The following MYLK variants were observed in gnomAD, a reference collection of about 807,000 sequenced individuals.
MYLK encodes myosin light chain kinase, smooth muscle.
A neutral mutation model predicts 203.4 loss-of-function variants in MYLK; 106 were observed. The observed-to-expected ratio is 0.52, with a 90% CI of 0.45 to 0.61. MYLK has a LOEUF of 0.61. Among genes scored for constraint, MYLK ranks in the 20% least tolerant of loss-of-function variants. The pLI, the probability that MYLK is intolerant of heterozygous loss-of-function variation, is 0.00. For synonymous variants in MYLK, 867 were observed against 959.5 expected (o/e 0.90, Z 1.78); for missense variants, 2,072 against 2,442.3 (o/e 0.85, Z 3.20).
At chr3:123,872,713 C>G (rs1339524294) in intron 2 of MYLK, among the ~76,000 whole-genome samples, 1 of 152,158 alleles carries the variant, frequency 6.6e-6, no homozygotes, top group Non-Finnish European at 1.5e-5. Flanking sequence ...CATGCCCTCT[C>G]CAGGCATTGC....
chr3:123,653,904 C>A (rs1246792797), intron 24 of MYLK, among the ~76,000 whole-genome samples: 3 of 152,128 alleles, frequency 2.0e-5, no homozygotes, highest in Admixed American at 1.3e-4. Context: ...AAGTAACATC[C>A]TAACACCACA....
At chr3:123,724,314 G>T (rs945819446) in intron 12 of MYLK, among the ~76,000 whole-genome samples, 2 of 152,080 alleles carry the variant, frequency 1.3e-5, no homozygotes, top group African/African-American at 4.8e-5. Context: ...CAACAGCAGA[G>T]TTGAGAGTTG....
chr3:123,760,200 C>A (rs1231177667), intron 4 of MYLK, among the ~76,000 whole-genome samples: 1 of 152,158 alleles, frequency 6.6e-6, no homozygotes, highest in African/African-American at 2.4e-5. Flanking sequence ...ATTTATGAGA[C>A]AGAGTCTTGC....
intron 2 of MYLK, among the ~76,000 whole-genome samples, chr3:123,860,211 G>A (rs1040036161): frequency 3.9e-5 from 6 of 152,146 alleles, no homozygotes; most frequent in Non-Finnish European, 8.8e-5. Flanking sequence ...TGGCAGGCCC[G>A]GCACACGGCT....
chr3:123,659,202 C>T (rs555668521), intron 23 of MYLK, among the ~76,000 whole-genome samples: 6 of 152,344 alleles, frequency 3.9e-5, no homozygotes, highest in Middle Eastern at 6.8e-3. Flanking sequence ...GGATGGAAGA[C>T]AGACCCACTA....
intron 5 of MYLK, among the ~76,000 whole-genome samples, chr3:123,744,753 T>A (rs2062964212): frequency 6.6e-6 from 1 of 152,076 alleles, no homozygotes; most frequent in African/African-American, 2.4e-5. Context: ...ACAGCAGTCA[T>A]CTCCAAAAAA....
At chr3:123,757,035 G>C (rs1199006359) in intron 4 of MYLK, among the ~76,000 whole-genome samples, 1 of 152,184 alleles carries the variant, frequency 6.6e-6, no homozygotes, top group Non-Finnish European at 1.5e-5. Context: ...TGAAGGTTGA[G>C]GAGAAAGCTG....
intron 2 of MYLK, among the ~76,000 whole-genome samples, chr3:123,842,607 C>A (rs1006082712): frequency 2.3e-4 from 35 of 152,188 alleles, no homozygotes; most frequent in Non-Finnish European, 5.9e-5. Context: ...TCAACAAATT[C>A]CAAAGAATCA....
intron 20 of MYLK, among the ~76,000 whole-genome samples, chr3:123,668,396 G>A (rs2059807054): frequency 6.6e-6 from 1 of 151,554 alleles, no homozygotes; most frequent in African/African-American, 2.4e-5. Flanking sequence ...CTTCTGCTCA[G>A]AGAAGCCAAA....
chr3:123,616,251 C>T (rs530837578), intron 33 of MYLK: 2 of 152,140 alleles, frequency 1.3e-5, no homozygotes, highest in African/African-American at 4.8e-5. Context: ...GGTAATTTGC[C>T]TATGGACAAT....
intron 1 of MYLK, among the ~76,000 whole-genome samples, chr3:123,882,693 T>A (rs1329716763): frequency 6.6e-6 from 1 of 152,090 alleles, no homozygotes; most frequent in Non-Finnish European, 1.5e-5. Flanking sequence ...CAATCCAGCA[T>A]CCAGAGTCCA....
intron 11 of MYLK, among the ~76,000 whole-genome samples, chr3:123,726,374 T>C (rs1316156183): frequency 6.6e-6 from 1 of 152,208 alleles, no homozygotes; most frequent in Non-Finnish European, 1.5e-5. Flanking sequence ...AGGTGCCTCC[T>C]GCTTTGCCTT....
chr3:123,727,973 C>A (rs2062347795), intron 11 of MYLK, among the ~76,000 whole-genome samples: 2 of 152,120 alleles, frequency 1.3e-5, no homozygotes, highest in African/African-American at 4.8e-5. Context: ...AGATGACCTG[C>A]TTCATGGTAA....
chr3:123,673,290 G>A (rs1312180998), intron 20 of MYLK, among the ~76,000 whole-genome samples: 1 of 151,010 alleles, frequency 6.6e-6, no homozygotes, highest in East Asian at 2.0e-4. Flanking sequence ...CACCCACTCA[G>A]CTAATTTTTT....
chr3:123,721,261 C>T (rs192337295), intron 13 of MYLK, among the ~76,000 whole-genome samples: 1 of 152,340 alleles, frequency 6.6e-6, no homozygotes, highest in African/African-American at 2.4e-5. Flanking sequence ...GATGTATCCT[C>T]CTGCTTGTCT....
chr3:123,696,655 A>G (rs908736347), intron 18 of MYLK, among the ~76,000 whole-genome samples: 3 of 151,844 alleles, frequency 2.0e-5, no homozygotes, highest in Non-Finnish European at 2.9e-5. Flanking sequence ...CATTACTTCT[A>G]TCCTTGCTTC....
chr3:123,639,147 T>C (rs1397566798), intron 28 of MYLK: 35 of 805,644 alleles, frequency 4.3e-5, no homozygotes, highest in Middle Eastern at 6.4e-4. Flanking sequence ...GTGGCCTATT[T>C]GTTTAATTTA....
chr3:123,662,010 G>C (rs1254004976), intron 23 of MYLK, among the ~76,000 whole-genome samples: 1 of 152,178 alleles, frequency 6.6e-6, no homozygotes, highest in Admixed American at 6.5e-5. Flanking sequence ...CACCTGGTTG[G>C]ACAAGGACTT....
At chr3:123,715,591 GCA>G (rs572866553) in intron 13 of MYLK, among the ~76,000 whole-genome samples, 232 of 152,294 alleles carry the variant, frequency 1.5e-3, no homozygotes, top group Non-Finnish European at 2.3e-3. Flanking sequence ...GCTACCTCTT[GCA>G]CTAATTCTTC....
Sources: allele counts gnomAD v4.1 joint callset (sites outside exome capture counted in the v4.1 genomes callset), GRCh38; gene constraint gnomAD v4.1.1; transcripts MANE v1.5; gene names NCBI Gene and HGNC (gene_info 2026-07-23, HGNC 2026-07-21).